Variants in THSD4 observed in about 807,000 individuals in gnomAD.
The protein encoded by THSD4 is thrombospondin type-1 domain-containing protein 4.
THSD4 carries 69 observed loss-of-function variants against 119.0 expected under a neutral mutation model. The observed-to-expected ratio is 0.58, with a 90% CI of 0.48 to 0.71. The LOEUF (loss-of-function observed/expected upper bound fraction) is 0.71. Among genes scored for constraint, THSD4 ranks in the 30% least tolerant of loss-of-function variants. THSD4 has a pLI of 0.00. For synonymous variants in THSD4, 524 were observed against 540.4 expected, an observed-to-expected ratio of 0.97 and a Z score of 0.42; for missense variants, 1,393 against 1,391.1, an observed-to-expected ratio of 1.00 and a Z score of -0.02.
chr15:71,582,976 T>C (rs2049589170), intron 7 of THSD4, among the ~76,000 whole-genome samples: 1 of 152,162 alleles, frequency 6.6e-6, no homozygotes, highest in Non-Finnish European at 1.5e-5. Context: ...CCCTTTCAGT[T>C]TTTTTGAAGG....
chr15:71,349,115 C>CCAG (rs771508128), intron 6 of THSD4, among the ~76,000 whole-genome samples: 46 of 152,250 alleles, frequency 3.0e-4, no homozygotes, highest in Non-Finnish European at 2.2e-4. Flanking sequence ...GCAAGCTGAC[C>CCAG]CAGCTTCAAA....
intron 8 of THSD4, among the ~76,000 whole-genome samples, chr15:71,698,921 G>C (rs1334747135): frequency 6.6e-6 from 1 of 151,940 alleles, no homozygotes; most frequent in African/African-American, 2.4e-5. Flanking sequence ...TGGCAGGAAG[G>C]GGGAAATGGG....
At chr15:71,449,966 T>C (rs1316746550) in intron 7 of THSD4, among the ~76,000 whole-genome samples, 2 of 152,194 alleles carry the variant, frequency 1.3e-5, no homozygotes, top group East Asian at 3.8e-4. Context: ...CTACTTCCCA[T>C]ATTAAGGTCC....
At chr15:71,440,119 T>A (rs1312733986) in intron 7 of THSD4, among the ~76,000 whole-genome samples, 2 of 152,114 alleles carry the variant, frequency 1.3e-5, no homozygotes, top group African/African-American at 4.8e-5. Flanking sequence ...TTCACCCAAA[T>A]GGACTAAGGA....
intron 7 of THSD4, among the ~76,000 whole-genome samples, chr15:71,553,279 G>C (rs1345701465): frequency 1.3e-5 from 2 of 150,988 alleles, no homozygotes; most frequent in Non-Finnish European, 2.9e-5. Flanking sequence ...CCAGAATACA[G>C]TACTGAATAA....
chr15:71,471,982 A>G (rs1228721869), intron 7 of THSD4, among the ~76,000 whole-genome samples: 1 of 152,092 alleles, frequency 6.6e-6, no homozygotes, highest in Admixed American at 6.5e-5. Context: ...TGGCACAATC[A>G]TGGCTCACTA....
intron 8 of THSD4, among the ~76,000 whole-genome samples, chr15:71,678,988 A>G (rs2051712697): frequency 6.6e-6 from 1 of 152,184 alleles, no homozygotes; most frequent in Non-Finnish European, 1.5e-5. Flanking sequence ...AGTGTGAATC[A>G]GGACTGATTT....
intron 6 of THSD4, among the ~76,000 whole-genome samples, chr15:71,365,684 A>G (rs369458807): frequency 6.6e-6 from 1 of 152,056 alleles, no homozygotes; most frequent in East Asian, 1.9e-4. Context: ...GTTAAGTCCA[A>G]CCCACCAACT....
In THSD4 at chr15:71,652,114, T is replaced by C. The variant is rs1168851365; in HGVS notation, c.1153-8416T>C. The stretch of plus-strand genomic sequence containing the variant: ...TTCATCAACCCAACTCACTATTGCC[T>C]TTTTGCTGATAATCTAGCCTCCAGA... On this transcript the variant is annotated intron_variant, in intron 7 of 17. Coordinates refer to ENST00000261862, the MANE Select transcript of THSD4 (RefSeq NM_024817.3). Among the ~76,000 whole-genome samples the C allele has an allele frequency of 5.9e-5, 9 of 152,306 alleles. 1 individual carries two copies. In the South Asian group the frequency reaches 1.9e-3, roughly 32 times the overall value.
intron 7 of THSD4, among the ~76,000 whole-genome samples, chr15:71,469,847 G>GT (rs2047549137): frequency 6.6e-6 from 1 of 152,124 alleles, no homozygotes; most frequent in African/African-American, 2.4e-5. Context: ...TGAACAACAT[G>GT]TGCTAAATGA....
chr15:71,642,692 T>C (rs1272244114), intron 7 of THSD4, among the ~76,000 whole-genome samples: 9 of 151,494 alleles, frequency 5.9e-5, no homozygotes, highest in Non-Finnish European at 1.2e-4. Flanking sequence ...CAGTAAACTA[T>C]CGCAAGAACA....
At chr15:71,292,400 A>G (rs2044803310) in intron 6 of THSD4, among the ~76,000 whole-genome samples, 1 of 151,502 alleles carries the variant, frequency 6.6e-6, no homozygotes, top group South Asian at 2.1e-4. Flanking sequence ...CCTTCTTTGT[A>G]TATTCTCTGT....
At chr15:71,387,514 A>C (rs1256167344) in intron 6 of THSD4, among the ~76,000 whole-genome samples, 1 of 152,218 alleles carries the variant, frequency 6.6e-6, no homozygotes, top group Non-Finnish European at 1.5e-5. Flanking sequence ...TTCAGGAAAA[A>C]AGGAAATATG....
upstream of THSD4, among the ~76,000 whole-genome samples, chr15:71,112,863 T>C (rs889027611): frequency 6.6e-6 from 1 of 152,234 alleles, no homozygotes; most frequent in African/African-American, 2.4e-5. Context: ...TGCTTACACA[T>C]AATGTAAATA....
chr15:71,457,649 A>G (rs1286137432), intron 7 of THSD4, among the ~76,000 whole-genome samples: 2 of 151,880 alleles, frequency 1.3e-5, no homozygotes, highest in Admixed American at 1.3e-4. Flanking sequence ...GGAACACTTG[A>G]CCCTGGGGCC....
rs568521180 is a variant in THSD4, at chr15:71,267,865, G to A, written c.1015+11150G>A. ...GCAAAAATCAAAAAAGGCAAAGAAGGGCATTACATAATGGTAAAGGGATCA... is the reference window on the plus strand; with the variant it reads ...GCAAAAATCAAAAAAGGCAAAGAAGAGCATTACATAATGGTAAAGGGATCA... On this transcript the variant is annotated intron_variant, in intron 6 of 17. Transcript: ENST00000261862. Among the ~76,000 whole-genome samples the A allele has an allele frequency of 2.0e-5, 3 of 152,172 alleles. No homozygotes were observed. The South Asian group carries it at 6.2e-4, about 32-fold the overall frequency.
At chr15:71,547,389 T>C (rs775937356) in intron 7 of THSD4, 1 of 1,550,256 alleles carries the variant, frequency 6.5e-7, no homozygotes, top group South Asian at 1.2e-5. Flanking sequence ...TCCTCTAGGG[T>C]AGTTCTAACT....
At chr15:71,107,687 G>T (rs545637843) in intron 1 of THSD4, among the ~76,000 whole-genome samples, 1 of 152,154 alleles carries the variant, frequency 6.6e-6, no homozygotes, top group African/African-American at 2.4e-5. Flanking sequence ...GAATGTTCCC[G>T]TGACAACGGA....
chr15:71,556,682 T>G (rs1218689347), intron 7 of THSD4, among the ~76,000 whole-genome samples: 1 of 150,936 alleles, frequency 6.6e-6, no homozygotes, highest in Non-Finnish European at 1.5e-5. Context: ...GAGGATTACC[T>G]AAACACAGGG....
Sources: gnomAD v4.1 joint callset for allele counts (sites outside exome capture counted in the v4.1 genomes callset) on GRCh38, gnomAD v4.1.1 for gene constraint, MANE v1.5 for transcripts, NCBI Gene and HGNC (gene_info 2026-07-23, HGNC 2026-07-21) for gene names.